PXDNL: variants seen among roughly 807,000 people sequenced by gnomAD.
PXDNL encodes peroxidasin like.
A neutral mutation model predicts 150.8 loss-of-function variants in PXDNL; 145 were observed. The observed-to-expected ratio is 0.96, with a 90% CI of 0.84 to 1.10. The LOEUF is 1.10. Among genes scored for constraint, PXDNL ranks in the 50% least tolerant of loss-of-function variants. PXDNL has a pLI of 0.00. For synonymous variants in PXDNL, 757 were observed against 725.7 expected (o/e 1.04, Z -0.69); for missense variants, 2,087 against 1,873.9 (o/e 1.11, Z -2.10).
chr8:51,801,104 C>A (rs1230036449), intron 1 of PXDNL, among the ~76,000 whole-genome samples: 2 of 152,094 alleles, frequency 1.3e-5, no homozygotes, highest in Non-Finnish European at 2.9e-5. Flanking sequence ...CTTCTCCTAG[C>A]AAGGAATATT....
At chr8:51,687,924 A>G (rs1305687598) in intron 1 of PXDNL, among the ~76,000 whole-genome samples, 1 of 152,346 alleles carries the variant, frequency 6.6e-6, no homozygotes, top group East Asian at 1.9e-4. Context: ...TCCAGCATGA[A>G]GGATTAGAAA....
At chr8:51,610,098 A>C (rs1326114135) in intron 2 of PXDNL, among the ~76,000 whole-genome samples, 1 of 152,182 alleles carries the variant, frequency 6.6e-6, no homozygotes, top group African/African-American at 2.4e-5. Flanking sequence ...CATTTAATTA[A>C]AGTCAAAGAA....
In PXDNL at chr8:51,809,352, T is replaced by C; in HGVS notation, c.-8A>G. ...GAACAGTCTGGGCTCCATCGCTCCA[T>C]TCGCTGCTGGCCACGCGAAGAAGCA... On this transcript the variant is annotated 5_prime_UTR_variant, in exon 1 of 23. The change abolishes an upstream ATG in the 5' untranslated region. Coordinates refer to ENST00000356297, the MANE Select transcript of PXDNL (RefSeq NM_144651.5). 1.3e-6 allele frequency: 2 copies of C among 1,524,016 alleles called. No homozygotes were observed. Among genetic ancestry groups the C allele is most frequent in the Non-Finnish European group, 1.8e-6 (2 of 1,136,306 alleles). The allele number at this position is 1,524,016 out of a possible 1,614,324, so 94.4% of individuals were successfully genotyped here.
At chr8:51,327,294 T>TA (rs1805530164) in intron 21 of PXDNL, among the ~76,000 whole-genome samples, 1 of 152,262 alleles carries the variant, frequency 6.6e-6, no homozygotes, top group Non-Finnish European at 1.5e-5. Context: ...AGCCGCTGTA[T>TA]AAAACGCCAG....
chr8:51,737,350 C>T (rs1048114407), intron 1 of PXDNL, among the ~76,000 whole-genome samples: 3 of 152,162 alleles, frequency 2.0e-5, no homozygotes, highest in Non-Finnish European at 4.4e-5. Flanking sequence ...AACTTATATG[C>T]CCAAAAAGAA....
intron 19 of PXDNL, among the ~76,000 whole-genome samples, chr8:51,354,239 G>A (rs116133691): frequency 0.025 from 3,756 of 152,090 alleles, 156 homozygotes; most frequent in African/African-American, 0.083. Flanking sequence ...AATGTAATGA[G>A]GATTTCTAAA....
intron 4 of PXDNL, among the ~76,000 whole-genome samples, chr8:51,537,011 A>T (rs1166491828): frequency 1.3e-5 from 2 of 152,236 alleles, no homozygotes; most frequent in Non-Finnish European, 2.9e-5. Context: ...ACTTTAGATA[A>T]TGGGGCTTAT....
chr8:51,371,850 G>A (rs774908465), intron 19 of PXDNL, 23 bp downstream of exon 19: 61 of 1,584,450 alleles, frequency 3.8e-5, no homozygotes, highest in African/African-American at 9.4e-5. Context: ...AATCCAGATC[G>A]TGCTCATTGC....
intron 1 of PXDNL, among the ~76,000 whole-genome samples, chr8:51,748,430 G>A (rs1384826675): frequency 1.3e-5 from 2 of 152,166 alleles, no homozygotes; most frequent in Non-Finnish European, 2.9e-5. Flanking sequence ...GCTCCAGACG[G>A]TGAGCAGCTC....
chr8:51,378,645 G>A (rs544260637), intron 17 of PXDNL, among the ~76,000 whole-genome samples: 1 of 152,286 alleles, frequency 6.6e-6, no homozygotes, highest in Non-Finnish European at 1.5e-5. Context: ...GTGTGCACTG[G>A]CTTTATGAGC....
chr8:51,486,175 T>A (rs1810730377), intron 5 of PXDNL, among the ~76,000 whole-genome samples: 1 of 152,154 alleles, frequency 6.6e-6, no homozygotes, highest in South Asian at 2.1e-4. Context: ...TATTTTCCAA[T>A]CCAAGCAGAC....
At chr8:51,649,207 G>A (rs541285971) in intron 2 of PXDNL, among the ~76,000 whole-genome samples, 4 of 152,180 alleles carry the variant, frequency 2.6e-5, no homozygotes, top group Admixed American at 2.6e-4. Context: ...AGACATGCTC[G>A]AGGAAAAAAA....
At chr8:51,645,213 T>A (rs991569237) in intron 2 of PXDNL, among the ~76,000 whole-genome samples, 19 of 152,130 alleles carry the variant, frequency 1.2e-4, no homozygotes, top group African/African-American at 4.6e-4. Context: ...TCCCTCTGAC[T>A]TTTTGTTCTA....
rs542664438 is a variant in PXDNL, at chr8:51,382,129, T to G, written c.3558-7398A>C. 4.6e-5 allele frequency among the ~76,000 whole-genome samples: 7 copies of G among 152,116 alleles called. No homozygotes were observed. The South Asian group carries it at 1.5e-3, about 32-fold the overall frequency. On this transcript the variant is annotated intron_variant, in intron 17 of 22. Coordinates refer to ENST00000356297, the MANE Select transcript of PXDNL (RefSeq NM_144651.5). ...TGGGATTACGTGTGTGAGCCACCGC[T>G]CCGGGCCATGGTGTCCTTATCTTTA... is the stretch of plus-strand genomic sequence containing the variant.
At chr8:51,372,562 G>A (rs1007406283) in intron 18 of PXDNL, among the ~76,000 whole-genome samples, 33 of 151,912 alleles carry the variant, frequency 2.2e-4, no homozygotes, top group South Asian at 2.1e-4. Flanking sequence ...TTTTTATATC[G>A]TTACTAGAGA....
Position 51,678,726 on chromosome 8 carries a change from G to A in PXDNL, c.165-23966C>T, listed in dbSNP as rs188499790. On this transcript the variant is annotated intron_variant, in intron 1 of 22. Transcript: ENST00000356297. ...ACTCTGGGGACTGTTGTGGGGTGGC[G>A]GGGTGGGGGAGGGATAGCATTGGGA... Among the ~76,000 whole-genome samples, 155 of 152,022 alleles carry A rather than the reference G, an allele frequency of 1.0e-3. 1 individual carries two copies. The highest frequency in any genetic ancestry group is 3.4e-3 in the African/African-American group (140 of 41,422).
chr8:51,651,363 T>C (rs1461641137), intron 2 of PXDNL, among the ~76,000 whole-genome samples: 1 of 152,226 alleles, frequency 6.6e-6, no homozygotes, highest in Non-Finnish European at 1.5e-5. Context: ...GCAATTATCA[T>C]GCCCTTCTTT....
At chr8:51,694,374 A>C (rs911529778) in intron 1 of PXDNL, among the ~76,000 whole-genome samples, 14 of 152,148 alleles carry the variant, frequency 9.2e-5, no homozygotes, top group South Asian at 2.1e-4. Flanking sequence ...AACAAACAAA[A>C]AAAAAAAGGG....
chr8:51,615,534 G>T (rs989981028), intron 2 of PXDNL, among the ~76,000 whole-genome samples: 1 of 151,990 alleles, frequency 6.6e-6, no homozygotes, highest in South Asian at 2.1e-4. Flanking sequence ...AGTCTGGGGG[G>T]AAAAGAGAGG....
Sources: allele counts gnomAD v4.1 joint callset (sites outside exome capture counted in the v4.1 genomes callset), GRCh38; gene constraint gnomAD v4.1.1; transcripts MANE v1.5; gene names NCBI Gene and HGNC (gene_info 2026-07-23, HGNC 2026-07-21).